The following RASA2 variants were observed in gnomAD, a reference collection of about 807,000 sequenced individuals.
RASA2 encodes the protein RAS p21 protein activator 2.
In RASA2, 155 loss-of-function variants were observed where a neutral mutation model predicts 118.2. The observed-to-expected ratio is 1.31, with a 90% CI of 1.15 to 1.50. The LOEUF (loss-of-function observed/expected upper bound fraction) is 1.50. RASA2 is among the 40% of genes most tolerant of loss of function. The pLI, the probability that RASA2 is intolerant of heterozygous loss-of-function variation, is 0.00. For synonymous variants in RASA2, 353 were observed against 349.1 expected (o/e 1.01, Z -0.12); for missense variants, 1,016 against 1,009.6 (o/e 1.01, Z -0.09).
At chr3:141,495,075 T>C (rs915290526) in intron 1 of RASA2, among the ~76,000 whole-genome samples, 2 of 152,254 alleles carry the variant, frequency 1.3e-5, no homozygotes, top group Admixed American at 6.5e-5. Context: ...GAGAAAATAT[T>C]TGCAGTGTAT....
intron 3 of RASA2, among the ~76,000 whole-genome samples, chr3:141,524,850 C>G (rs923631185): frequency 6.6e-6 from 1 of 152,104 alleles, no homozygotes; most frequent in African/African-American, 2.4e-5. Flanking sequence ...CTCAGCCTCC[C>G]AAAGTGCTAG....
intron 9 of RASA2, among the ~76,000 whole-genome samples, chr3:141,568,061 A>G (rs1372733333): frequency 6.6e-6 from 1 of 152,166 alleles, no homozygotes; most frequent in Non-Finnish European, 1.5e-5. Flanking sequence ...TCTGAACACA[A>G]TTATTTTTAA....
chr3:141,606,938 C>G (rs2083558395), intron 19 of RASA2, among the ~76,000 whole-genome samples: 1 of 152,098 alleles, frequency 6.6e-6, no homozygotes, highest in South Asian at 2.1e-4. Flanking sequence ...ATTATGTTTG[C>G]TTATAGTTTC....
At chr3:141,610,480 T>C (rs567953987) in intron 23 of RASA2, among the ~76,000 whole-genome samples, 1 of 127,796 alleles carries the variant, frequency 7.8e-6, no homozygotes, top group Non-Finnish European at 1.6e-5. Context: ...TATATATAAA[T>C]ATATATATAT....
chr3:141,488,931 G>C (rs1433932370), intron 1 of RASA2, among the ~76,000 whole-genome samples: 1 of 152,126 alleles, frequency 6.6e-6, no homozygotes, highest in African/African-American at 2.4e-5. Context: ...TTGGAATTGA[G>C]GGTTAGGGTT....
At chr3:141,546,744 T>C (rs923450942) in intron 5 of RASA2, among the ~76,000 whole-genome samples, 8 of 152,240 alleles carry the variant, frequency 5.3e-5, no homozygotes, top group South Asian at 2.1e-4. Context: ...TGTGTGCTTG[T>C]GGCAACCATT....
chr3:141,499,375 G>A (rs565625224), intron 1 of RASA2, among the ~76,000 whole-genome samples: 2 of 152,196 alleles, frequency 1.3e-5, no homozygotes, highest in East Asian at 1.9e-4. Context: ...ATACAGGATT[G>A]CCTTATTTAT....
intron 3 of RASA2, among the ~76,000 whole-genome samples, chr3:141,520,979 A>G (rs1180749134): frequency 6.6e-6 from 1 of 152,200 alleles, no homozygotes; most frequent in African/African-American, 2.4e-5. Context: ...AAGAGTTTAA[A>G]ATGGTCTTGT....
intron 3 of RASA2, among the ~76,000 whole-genome samples, chr3:141,522,760 T>G (rs971659024): frequency 6.6e-6 from 1 of 152,156 alleles, no homozygotes; most frequent in African/African-American, 2.4e-5. Context: ...CACTTCACGC[T>G]CAAGAAATTC....
intron 3 of RASA2, among the ~76,000 whole-genome samples, chr3:141,527,347 G>A (rs2082199508): frequency 6.6e-6 from 1 of 152,048 alleles, no homozygotes; most frequent in Admixed American, 6.6e-5. Flanking sequence ...GTTTCTGGAT[G>A]GTAAGTAAAC....
At chr3:141,607,788 C>A (rs776747507) in intron 20 of RASA2, 28 bp downstream of exon 20, 37 of 1,547,654 alleles carry the variant, frequency 2.4e-5, no homozygotes, top group African/African-American at 4.2e-5. Flanking sequence ...ATATTTAAAG[C>A]TTTCTGAACT....
At chr3:141,507,556 A>G (rs189455602) in intron 1 of RASA2, among the ~76,000 whole-genome samples, 8 of 152,296 alleles carry the variant, frequency 5.3e-5, no homozygotes, top group Admixed American at 3.9e-4. Flanking sequence ...TCAGGAGTCT[A>G]CTACTGTTAG....
intron 5 of RASA2, among the ~76,000 whole-genome samples, chr3:141,550,819 T>G (rs2082563215): frequency 6.6e-6 from 1 of 152,196 alleles, no homozygotes. Flanking sequence ...ATTGCGCCAC[T>G]GCACTCCAGC....
At chr3:141,573,859 C>T in intron 13 of RASA2, 85 bp from the exon 14 acceptor site, 4 of 1,205,318 alleles carry the variant, frequency 3.3e-6, no homozygotes, top group East Asian at 2.8e-5. Context: ...TAATAAACCT[C>T]ATTTTCTTAC....
intron 6 of RASA2, among the ~76,000 whole-genome samples, chr3:141,555,118 G>C (rs1354640566): frequency 6.6e-6 from 1 of 152,108 alleles, no homozygotes; most frequent in African/African-American, 2.4e-5. Flanking sequence ...AGAATTAGCT[G>C]GGTGTGGTGG....
intron 16 of RASA2, among the ~76,000 whole-genome samples, 160 bp downstream of exon 16, chr3:141,580,611 C>G (rs1339910782): frequency 6.6e-6 from 1 of 151,882 alleles, no homozygotes; most frequent in Non-Finnish European, 1.5e-5. Context: ...TAGATACTCT[C>G]TTAGTCACCT....
At position 141,614,910 on chromosome 3, in the gene RASA2, T is replaced by C. The variant is rs1157005825; in HGVS notation, c.*2597T>C. 1.3e-5 allele frequency: 2 copies of C among 152,332 alleles called. No homozygotes were observed. Among genetic ancestry groups the C allele is most frequent in the Admixed American group, 1.3e-4 (2 of 15,296 alleles). The allele number at this position is 152,332 out of a possible 1,614,324, so 9.4% of individuals were successfully genotyped here. On this transcript the variant is annotated 3_prime_UTR_variant, in exon 24 of 24. Transcript: ENST00000286364. ...AGGTGACGAATAATATGGCTTTTGT[T>C]TCTGTTTCTGAAGCCTGATTTCATT... is the stretch of plus-strand genomic sequence containing the variant.
chr3:141,489,865 A>G (rs940732628), intron 1 of RASA2, among the ~76,000 whole-genome samples: 2 of 152,150 alleles, frequency 1.3e-5, no homozygotes, highest in Non-Finnish European at 2.9e-5. Context: ...AAACTTAACA[A>G]AAAGTGGTAA....
chr3:141,556,379 G>A (rs80073246), intron 7 of RASA2, among the ~76,000 whole-genome samples: 1,958 of 151,918 alleles, frequency 0.013, 55 homozygotes, highest in African/African-American at 0.044. Flanking sequence ...AGGGAAACTA[G>A]CAGCACTACC....
Sources: gnomAD v4.1 joint callset for allele counts (sites outside exome capture counted in the v4.1 genomes callset) on GRCh38, gnomAD v4.1.1 for gene constraint, MANE v1.5 for transcripts, NCBI Gene and HGNC (gene_info 2026-07-23, HGNC 2026-07-21) for gene names.